Variants in LSP1 observed in about 807,000 individuals in gnomAD.
LSP1 encodes lymphocyte specific protein 1, also known as lymphocyte-specific protein 1.
In LSP1, 32 loss-of-function variants were observed where a neutral mutation model predicts 49.3. The observed-to-expected ratio is 0.65, with a 90% CI of 0.49 to 0.87. LSP1 has a LOEUF of 0.87. LSP1 is among the 40% of genes least tolerant of loss of function. The pLI, the probability that LSP1 is intolerant of heterozygous loss-of-function variation, is 0.00. For synonymous variants in LSP1, 179 were observed against 178.8 expected, an observed-to-expected ratio of 1.00 and a Z score of -0.01; for missense variants, 428 against 442.6, an observed-to-expected ratio of 0.97 and a Z score of 0.30.
At chr11:1,882,686 C>G (rs1848595207) in intron 3 of LSP1, among the ~76,000 whole-genome samples, 1 of 152,214 alleles carries the variant, frequency 6.6e-6, no homozygotes, top group African/African-American at 2.4e-5. Flanking sequence ...CTGCACCTGC[C>G]TGGCTGCACA....
rs772785791 is a variant in LSP1, at chr11:1,876,457, G to T, written c.54-3630G>T. On this transcript the variant is annotated intron_variant, in intron 1 of 10. Transcript: ENST00000311604. ...TCCCCCTCCCCTCGACATCCTCCCC[G>T]CAGCCCTTGCTCTTCACCAGAGCCT... 2.0e-4 allele frequency: 193 copies of T among 985,666 alleles called. No individual in the cohort carries two copies. The Middle Eastern group carries it at 2.6e-3, about 13-fold the overall frequency. The allele number at this position is 985,666 out of a possible 1,614,324, so 61.1% of individuals were successfully genotyped here.
In LSP1 at chr11:1,884,573, G is replaced by A. The variant is rs1848680450; in HGVS notation, c.709G>A (p.Ala237Thr). 6.2e-7 allele frequency: 1 copy of A among 1,613,676 alleles called. No individual in the cohort carries two copies. Among genetic ancestry groups the A allele is most frequent in the African/African-American group, 1.3e-5 (1 of 74,818 alleles). Reference sequence around the variant, plus strand: ...TCAGTGGCTGGAACAATACACCCAGGCCATCGAGGTATGACCTGGCTCCCC... The same window carrying A: ...TCAGTGGCTGGAACAATACACCCAGACCATCGAGGTATGACCTGGCTCCCC... Reference protein sequence around the residue: ...IDQWLEQYTQAIETAGRTPKL... With the variant: ...IDQWLEQYTQTIETAGRTPKL... The change falls in exon 7 of 11, where the codon GCC becomes ACC. Residue 237 changes from alanine (A) to threonine (T), a missense_variant. Ala to Thr is a moderately conservative substitution (Grantham distance 58). Transcript: ENST00000311604. The surrounding 1 kb of genome is among the most constrained non-coding windows in gnomAD (Gnocchi z 4.1).
intron 10 of LSP1, chr11:1,889,336 G>C: frequency 1.4e-6 from 1 of 711,210 alleles, no homozygotes; most frequent in South Asian, 1.5e-5. Context: ...GGCCCTGCCA[G>C]GCGCCCTTGG....
chr11:1,884,564 T>C lies in LSP1; in HGVS notation c.700T>C (p.Tyr234His), dbSNP rs1848679594. The change falls in exon 7 of 11, where the codon TAC (tyrosine) becomes CAC (histidine). Residue 234 changes from tyrosine (Y) to histidine (H), a missense_variant. Tyr to His is a moderately conservative substitution (Grantham distance 83). Transcript: ENST00000311604. The surrounding 1 kb of genome is among the most constrained non-coding windows in gnomAD (Gnocchi z 4.1). Reference protein sequence around the residue: ...ISKIDQWLEQYTQAIETAGRT... With the variant: ...ISKIDQWLEQHTQAIETAGRT... ...CAAGATTGATCAGTGGCTGGAACAA[T>C]ACACCCAGGCCATCGAGGTATGACC... 3 of 1,613,788 alleles carry C rather than the reference T, an allele frequency of 1.9e-6. No individual in the cohort carries two copies. Among genetic ancestry groups the C allele is most frequent in the Non-Finnish European group, 2.5e-6 (3 of 1,179,888 alleles).
intron 1 of LSP1, among the ~76,000 whole-genome samples, chr11:1,861,103 C>T (rs998746635): frequency 3.3e-5 from 5 of 152,216 alleles, no homozygotes; most frequent in African/African-American, 1.2e-4. Flanking sequence ...ATTTTGCACT[C>T]TCTTCCAGGA....
chr11:1,857,145 G>C (rs971922944), intron 1 of LSP1, among the ~76,000 whole-genome samples: 51 of 152,302 alleles, frequency 3.3e-4, no homozygotes, highest in Non-Finnish European at 1.6e-4. Flanking sequence ...GGCAGGCGCT[G>C]CTGTCCACCG....
At chr11:1,867,815 C>T (rs369753590) in intron 1 of LSP1, among the ~76,000 whole-genome samples, 1 of 152,094 alleles carries the variant, frequency 6.6e-6, no homozygotes, top group Non-Finnish European at 1.5e-5. Context: ...ACGTGTCCCC[C>T]CTGCCCCGTC....
intron 1 of LSP1, chr11:1,863,265 C>T (rs1337388554): frequency 1.3e-5 from 2 of 152,298 alleles, no homozygotes; most frequent in Non-Finnish European, 2.9e-5. Context: ...CCCTTGCTTC[C>T]CTCAGTGTTC....
rs535680593 is a variant in LSP1, at chr11:1,870,224, C to A, written c.54-9863C>A. The A allele has an allele frequency of 3.1e-4, 391 of 1,251,490 alleles. 1 individual carries two copies. The highest frequency in any genetic ancestry group is 3.0e-4 in the Non-Finnish European group (284 of 941,144). 77.5% of individuals were successfully genotyped at this position (1,251,490 alleles called of 1,614,324 possible). Reference sequence around the variant, plus strand: ...CCAAGGCCATGTGAGTCTCCCACGGCCCACTGAAGCTGGTCCTTCATACCC... The same window carrying A: ...CCAAGGCCATGTGAGTCTCCCACGGACCACTGAAGCTGGTCCTTCATACCC... On this transcript the variant is annotated intron_variant, in intron 1 of 10. Coordinates refer to ENST00000311604, the MANE Select transcript of LSP1 (RefSeq NM_002339.3).
At chr11:1,869,272 G>C (rs745847290) in intron 1 of LSP1, 2 of 236,350 alleles carry the variant, frequency 8.5e-6, no homozygotes, top group Non-Finnish European at 1.7e-5. Context: ...GATGCTGGGA[G>C]GGGGGCAACC....
intron 10 of LSP1, chr11:1,889,001 G>T: frequency 1.8e-6 from 1 of 550,716 alleles, no homozygotes; most frequent in East Asian, 3.2e-5. Context: ...AGCACCCCAT[G>T]TGCCCTTCCC....
chr11:1,890,735 A>G (rs1848966054), intron 10 of LSP1: 3 of 604,388 alleles, frequency 5.0e-6, no homozygotes, highest in Non-Finnish European at 8.8e-6. Flanking sequence ...AGAACCTGCC[A>G]GGGACATGCT....
At chr11:1,874,673 A>G (rs2133095370) in intron 1 of LSP1, among the ~76,000 whole-genome samples, 1 of 152,262 alleles carries the variant, frequency 6.6e-6, no homozygotes, top group South Asian at 2.1e-4. Context: ...GGGCCTTGGC[A>G]GAGGCGACTC....
intron 10 of LSP1, chr11:1,889,501 G>T: frequency 1.6e-6 from 1 of 618,114 alleles, no homozygotes. Flanking sequence ...TCCAGGCTCT[G>T]CCGCGGCTCT....
intron 1 of LSP1, among the ~76,000 whole-genome samples, chr11:1,853,710 C>T (rs902442936): frequency 6.6e-6 from 1 of 152,176 alleles, no homozygotes; most frequent in Non-Finnish European, 1.5e-5. Context: ...CAGGGCAGGG[C>T]ACCCAAAGCT....
At chr11:1,880,706 G>C (rs954095186) in intron 2 of LSP1, 2 of 155,214 alleles carry the variant, frequency 1.3e-5, no homozygotes, top group African/African-American at 4.8e-5. Context: ...CTTGGGCAGA[G>C]TGGGGTTCAG....
chr11:1,863,910 T>A (rs984357680), intron 1 of LSP1, among the ~76,000 whole-genome samples: 5 of 152,008 alleles, frequency 3.3e-5, no homozygotes, highest in African/African-American at 9.7e-5. Context: ...GCTGGGGGGT[T>A]GGGCCCACCA....
intron 1 of LSP1, among the ~76,000 whole-genome samples, chr11:1,867,973 C>A (rs1847849416): frequency 6.6e-6 from 1 of 152,204 alleles, no homozygotes; most frequent in Admixed American, 6.5e-5. Flanking sequence ...AGGGTCAGGC[C>A]CTGGGCTGAC....
rs1009086975 is a variant in LSP1 at position 1,854,196 on chromosome 11, A to G, written c.53+999A>G. On this transcript the variant is annotated intron_variant, in intron 1 of 10. Coordinates refer to ENST00000311604, the MANE Select transcript of LSP1 (RefSeq NM_002339.3). The stretch of plus-strand genomic sequence containing the variant: ...ATAGAGGCCGGCCTAGGAGCAGGTC[A>G]GCGGGGGCTGTGGCCTGGTGTGCGG... 7.9e-5 allele frequency among the ~76,000 whole-genome samples: 12 copies of G among 152,098 alleles called. 1 individual carries two copies. The highest frequency in any genetic ancestry group is 7.2e-4 in the Admixed American group (11 of 15,280).
Sources: allele counts gnomAD v4.1 joint callset (sites outside exome capture counted in the v4.1 genomes callset), GRCh38; gene constraint gnomAD v4.1.1; non-coding constraint Gnocchi (gnomAD v3.1); transcripts MANE v1.5; gene names NCBI Gene and HGNC (gene_info 2026-07-23, HGNC 2026-07-21).